Variants in RGS6 observed in about 807,000 individuals in gnomAD.
The protein encoded by RGS6 is regulator of G protein signaling 6.
Under a neutral mutation model 78.5 loss-of-function variants are expected in RGS6, and 30 were observed. The observed-to-expected ratio is 0.38, with a 90% CI of 0.29 to 0.52. The LOEUF is 0.52. Among genes scored for constraint, RGS6 ranks in the 20% least tolerant of loss-of-function variants. The pLI is 0.85. For missense variants in RGS6, 495 were observed against 609.7 expected (o/e 0.81, Z 1.98); for synonymous variants, 206 against 206.0 (o/e 1.00, Z 0.00).
chr14:72,359,814 G>T (rs1049123462), intron 3 of RGS6, among the ~76,000 whole-genome samples: 2 of 152,220 alleles, frequency 1.3e-5, no homozygotes, highest in African/African-American at 2.4e-5. Flanking sequence ...GAAGCTAAGG[G>T]CTGAGAATTG....
chr14:72,551,095 C>A (rs1390814301), intron 17 of RGS6, among the ~76,000 whole-genome samples: 1 of 152,164 alleles, frequency 6.6e-6, no homozygotes, highest in African/African-American at 2.4e-5. Flanking sequence ...ACACCTCGGC[C>A]TCCCAAAGTG....
At chr14:72,329,431 G>A (rs150684288) in intron 2 of RGS6, among the ~76,000 whole-genome samples, 1 of 152,368 alleles carries the variant, frequency 6.6e-6, no homozygotes, top group East Asian at 1.9e-4. Context: ...AGCATCACCT[G>A]CTCAGAGGGA....
chr14:72,061,192 C>T (rs1354933092), intron 2 of RGS6, among the ~76,000 whole-genome samples: 9 of 152,118 alleles, frequency 5.9e-5, no homozygotes, highest in South Asian at 2.1e-4. Context: ...TTTGTGAAAG[C>T]GAGTGTTGAG....
chr14:72,218,631 G>A (rs1352373848), intron 2 of RGS6, among the ~76,000 whole-genome samples: 2 of 150,936 alleles, frequency 1.3e-5, no homozygotes, highest in Non-Finnish European at 2.9e-5. Context: ...TTATTTATTT[G>A]AGATGGAGTC....
chr14:71,986,041 C>G (rs931106800), intron 2 of RGS6, among the ~76,000 whole-genome samples: 1 of 152,172 alleles, frequency 6.6e-6, no homozygotes, highest in Admixed American at 6.5e-5. Context: ...TTTAAAACAG[C>G]TCTTCTGTCA....
At position 72,459,648 on chromosome 14, in the gene RGS6, C is replaced by G. The variant is rs779495093; in HGVS notation, c.359C>G (p.Pro120Arg). The G allele has an allele frequency of 6.2e-7, 1 of 1,614,144 alleles. No individual in the cohort carries two copies. Among genetic ancestry groups the G allele is most frequent in the Admixed American group, 1.7e-5 (1 of 60,030 alleles). Residue 120 changes from proline (P) to arginine (R), a missense_variant, in exon 6 of 18, where the codon CCT (proline) becomes CGT (arginine). Transcript: ENST00000553525. Reference protein sequence around the residue: ...FYRFQAPYFWPSNCWEPENTD... With the variant: ...FYRFQAPYFWRSNCWEPENTD... ...CCTTTGCAGGCTCCGTACTTCTGGC[C>G]TTCGAACTGCTGGGAACCTGAAAAC...
chr14:72,105,956 T>A (rs1446020133), intron 2 of RGS6, among the ~76,000 whole-genome samples: 1 of 152,196 alleles, frequency 6.6e-6, no homozygotes, highest in African/African-American at 2.4e-5. Context: ...AATAAACCAT[T>A]GTAAGACGTC....
At chr14:72,285,080 C>A (rs2152282003) in intron 2 of RGS6, among the ~76,000 whole-genome samples, 1 of 152,292 alleles carries the variant, frequency 6.6e-6, no homozygotes, top group East Asian at 1.9e-4. Flanking sequence ...TTTGATTTTA[C>A]AGGCTCATAG....
chr14:72,161,133 A>C (rs771848110), intron 2 of RGS6, among the ~76,000 whole-genome samples: 13 of 152,176 alleles, frequency 8.5e-5, no homozygotes, highest in Non-Finnish European at 1.6e-4. Context: ...CAGCAAACTA[A>C]CGCGAGAACA....
intron 2 of RGS6, among the ~76,000 whole-genome samples, chr14:72,319,760 A>C (rs1201655483): frequency 6.6e-6 from 1 of 152,230 alleles, no homozygotes; most frequent in Non-Finnish European, 1.5e-5. Flanking sequence ...CAAAGCAAAC[A>C]AAACGGAAAC....
chr14:72,153,902 G>A (rs1410233176), intron 2 of RGS6, among the ~76,000 whole-genome samples: 3 of 152,152 alleles, frequency 2.0e-5, no homozygotes, highest in Non-Finnish European at 4.4e-5. Context: ...GAGTTCGAGA[G>A]CAGAGAACTG....
intron 2 of RGS6, among the ~76,000 whole-genome samples, chr14:72,006,928 G>A (rs908830596): frequency 6.6e-6 from 1 of 152,174 alleles, no homozygotes; most frequent in Non-Finnish European, 1.5e-5. Context: ...ACTGTCCATA[G>A]AAGTTTGGAC....
chr14:72,054,767 T>A (rs1355540477), intron 2 of RGS6, among the ~76,000 whole-genome samples: 2 of 152,204 alleles, frequency 1.3e-5, no homozygotes, highest in African/African-American at 4.8e-5. Flanking sequence ...ATTCTGAACA[T>A]TGTTTATCAT....
chr14:72,355,737 T>C (rs903791726), intron 3 of RGS6, among the ~76,000 whole-genome samples: 32 of 152,126 alleles, frequency 2.1e-4, no homozygotes, highest in African/African-American at 7.5e-4. Flanking sequence ...AGCTTTGGAA[T>C]AGGTGCTCAA....
At chr14:72,495,418 T>C (rs1450867141) in intron 13 of RGS6, among the ~76,000 whole-genome samples, 156 bp downstream of exon 13, 1 of 152,212 alleles carries the variant, frequency 6.6e-6, no homozygotes, top group African/African-American at 2.4e-5. Context: ...TTACAGTTTC[T>C]ACCTCCTTAT....
intron 3 of RGS6, among the ~76,000 whole-genome samples, chr14:72,453,961 T>C (rs1273988387): frequency 2.6e-5 from 4 of 152,204 alleles, no homozygotes; most frequent in Non-Finnish European, 4.4e-5. Context: ...CCATATTCTA[T>C]TGGCAGAACT....
chr14:72,536,751 A>G (rs1428412173), intron 16 of RGS6, among the ~76,000 whole-genome samples: 1 of 152,120 alleles, frequency 6.6e-6, no homozygotes, highest in Non-Finnish European at 1.5e-5. Flanking sequence ...TGTCAGTTTC[A>G]AGAGCACAAT....
chr14:72,347,368 A>G (rs2078257953), intron 2 of RGS6, among the ~76,000 whole-genome samples: 1 of 152,236 alleles, frequency 6.6e-6, no homozygotes, highest in Non-Finnish European at 1.5e-5. Flanking sequence ...GCAAGACAGC[A>G]GCAGTCATTG....
chr14:72,331,257 A>G (rs2074963464), intron 2 of RGS6, among the ~76,000 whole-genome samples: 1 of 152,162 alleles, frequency 6.6e-6, no homozygotes, highest in Admixed American at 6.5e-5. Context: ...TCAAAAAAAA[A>G]AAAAAAAAAT....
Sources: gnomAD v4.1 joint callset for allele counts (sites outside exome capture counted in the v4.1 genomes callset) on GRCh38, gnomAD v4.1.1 for gene constraint, MANE v1.5 for transcripts, NCBI Gene and HGNC (gene_info 2026-07-23, HGNC 2026-07-21) for gene names.